The following PDE9A variants were observed in gnomAD, a reference collection of about 807,000 sequenced individuals.
PDE9A encodes high affinity cGMP-specific 3',5'-cyclic phosphodiesterase 9A.
A neutral mutation model predicts 87.4 loss-of-function variants in PDE9A; 60 were observed. That is an observed-to-expected ratio of 0.69 (90% CI 0.56 to 0.85). PDE9A has a LOEUF of 0.85. PDE9A is among the 40% of genes least tolerant of loss of function. PDE9A has a pLI of 0.00. For missense variants in PDE9A, 665 were observed against 779.0 expected (o/e 0.85, Z 1.74); for synonymous variants, 272 against 279.4 (o/e 0.97, Z 0.27).
rs2055563308 is a variant in PDE9A at position 42,760,287 on chromosome 21, G to C, written c.898-41G>C. 1 of 1,234,910 alleles carries C rather than the reference G, an allele frequency of 8.1e-7. No homozygotes were observed. The highest frequency in any genetic ancestry group is 1.7e-5 in the Admixed American group (1 of 58,978). 76.5% of individuals were successfully genotyped at this position (1,234,910 alleles called of 1,614,324 possible). A position where few individuals can be genotyped will look rare whatever the true frequency, so the allele number is the denominator to read the frequency against. On this transcript the variant is annotated intron_variant, in intron 11 of 19. Transcript: ENST00000291539. The surrounding 1 kb of genome is among the most constrained non-coding windows in gnomAD (Gnocchi z 5.2). ...GTGGCTTTGGGAGGAGAGGTGGGCG[G>C]GCCCAGGCACAGGGTGACTCGGACC...
intron 8 of PDE9A, 148 bp from the exon 9 acceptor site, chr21:42,750,968 T>C: frequency 1.5e-6 from 1 of 673,498 alleles, no homozygotes; most frequent in South Asian, 1.7e-5. Flanking sequence ...TTGCTTCGAG[T>C]GAGTTGCTGC....
chr21:42,714,737 T>C (rs546583776), intron 4 of PDE9A, among the ~76,000 whole-genome samples: 6 of 139,960 alleles, frequency 4.3e-5, no homozygotes, highest in East Asian at 2.4e-4. Flanking sequence ...GCTCTACCAG[T>C]CTTTGTTGAT....
At chr21:42,772,605 C>A (rs2057123127) in intron 19 of PDE9A, 85 bp downstream of exon 19, 3 of 965,080 alleles carry the variant, frequency 3.1e-6, no homozygotes, top group Non-Finnish European at 4.7e-6. Context: ...GGGAGAAAAT[C>A]TGAATTTTGG....
chr21:42,749,529 G>A (rs1188895819), intron 8 of PDE9A, among the ~76,000 whole-genome samples: 1 of 152,194 alleles, frequency 6.6e-6, no homozygotes, highest in Admixed American at 6.5e-5. Context: ...CCAACCGGAA[G>A]GTGGCTTTCC....
chr21:42,686,612 C>G (rs1489247067), intron 2 of PDE9A, among the ~76,000 whole-genome samples: 3 of 151,926 alleles, frequency 2.0e-5, no homozygotes, highest in Non-Finnish European at 4.4e-5. Context: ...GTCAGGAGTT[C>G]GAGACCAGCC....
intron 1 of PDE9A, among the ~76,000 whole-genome samples, chr21:42,673,200 G>C (rs982460492): frequency 2.0e-5 from 3 of 152,200 alleles, no homozygotes; most frequent in African/African-American, 7.2e-5. Context: ...GGTCAAGCTG[G>C]TAGGAGGAGG....
At chr21:42,719,422 G>A (rs890117295) in intron 4 of PDE9A, among the ~76,000 whole-genome samples, 4 of 151,592 alleles carry the variant, frequency 2.6e-5, no homozygotes, top group Non-Finnish European at 4.4e-5. Context: ...ATCAACTGAG[G>A]TCAGGAGTTT....
intron 1 of PDE9A, among the ~76,000 whole-genome samples, chr21:42,676,382 A>G (rs971766899): frequency 2.0e-5 from 3 of 152,192 alleles, no homozygotes; most frequent in Non-Finnish European, 2.9e-5. Context: ...GCTGCCTCTT[A>G]TAACCAACCA....
intron 15 of PDE9A, among the ~76,000 whole-genome samples, chr21:42,766,354 G>A (rs2056399389): frequency 1.3e-5 from 2 of 152,082 alleles, no homozygotes; most frequent in South Asian, 4.2e-4. Flanking sequence ...AGGTGCATGA[G>A]AACTGCCCTC....
At chr21:42,746,707 G>A (rs760730094) in intron 8 of PDE9A, among the ~76,000 whole-genome samples, 12 of 152,236 alleles carry the variant, frequency 7.9e-5, no homozygotes, top group Non-Finnish European at 1.2e-4. Context: ...GGATAACACC[G>A]ATTTCAGAGC....
chr21:42,717,555 A>T (rs914478076), intron 4 of PDE9A, among the ~76,000 whole-genome samples: 1 of 102,678 alleles, frequency 9.7e-6, no homozygotes, highest in African/African-American at 4.8e-5. Context: ...AAAAAAAAAA[A>T]ATTTTTTTGT....
At chr21:42,682,208 T>A (rs1291861208) in intron 1 of PDE9A, among the ~76,000 whole-genome samples, 1 of 152,244 alleles carries the variant, frequency 6.6e-6, no homozygotes, top group Non-Finnish European at 1.5e-5. Flanking sequence ...GGTAAGAAGG[T>A]ACGACCAGTT....
chr21:42,672,996 AAGG>A (rs1469562845), intron 1 of PDE9A, among the ~76,000 whole-genome samples: 2 of 152,170 alleles, frequency 1.3e-5, no homozygotes, highest in Admixed American at 6.6e-5. Flanking sequence ...TTGAAGGAAA[AAGG>A]AGGAGGAGGA....
intron 1 of PDE9A, among the ~76,000 whole-genome samples, chr21:42,677,964 A>C (rs1056373737): frequency 6.6e-6 from 1 of 152,242 alleles, no homozygotes; most frequent in Non-Finnish European, 1.5e-5. Flanking sequence ...TTTGTCCAGG[A>C]ATTGGAGCAT....
At position 42,759,859 on chromosome 21, in the gene PDE9A, GT is replaced by G. The variant is rs2055514565; in HGVS notation, c.898-468del. ...GTGTGAGTGTGTGGTGTGTGAGTGG[GT>G]GTGTGCATGTGGGTGTCTGCCTGTG... On this transcript the variant is annotated intron_variant, in intron 11 of 19. Transcript: ENST00000291539. The surrounding 1 kb of genome is among the most constrained non-coding windows in gnomAD (Gnocchi z 7.2). 6.6e-6 allele frequency among the ~76,000 whole-genome samples: 1 copy of G among 151,840 alleles called. No individual in the cohort carries two copies. The highest frequency in any genetic ancestry group is 2.4e-5 in the African/African-American group (1 of 41,286).
At chr21:42,765,660 G>A (rs1353926016) in intron 15 of PDE9A, 166 bp downstream of exon 15, 11 of 633,932 alleles carry the variant, frequency 1.7e-5, no homozygotes, top group South Asian at 3.5e-5. Context: ...AGGAAAGTCC[G>A]GGCAGGGCCT....
Position 42,760,485 on chromosome 21 carries a change from G to A in PDE9A, c.1002+53G>A. 2 of 1,109,542 alleles carry A rather than the reference G, an allele frequency of 1.8e-6. No homozygotes were observed. The highest frequency in any genetic ancestry group is 2.6e-6 in the Non-Finnish European group (2 of 761,542). 68.7% of individuals were successfully genotyped at this position (1,109,542 alleles called of 1,614,324 possible). ...CCTCTACTCTCGGGGGTCAGACGGA[G>A]GCCCCCTTCCAGGGAGCGGCAGCCC... is the stretch of plus-strand genomic sequence containing the variant. On this transcript the variant is annotated intron_variant, in intron 12 of 19. Transcript: ENST00000291539. The surrounding 1 kb of genome is among the most constrained non-coding windows in gnomAD (Gnocchi z 5.2).
At chr21:42,657,364 G>A (rs1026991078) in intron 1 of PDE9A, among the ~76,000 whole-genome samples, 4 of 152,236 alleles carry the variant, frequency 2.6e-5, no homozygotes, top group African/African-American at 9.6e-5. Context: ...CAGGTGGGCT[G>A]TTAAAGAAGG....
At chr21:42,681,558 G>C (rs993846891) in intron 1 of PDE9A, among the ~76,000 whole-genome samples, 2 of 152,206 alleles carry the variant, frequency 1.3e-5, no homozygotes, top group Non-Finnish European at 2.9e-5. Context: ...AGGGCTCCCA[G>C]ACAGTGATGT....
Sources: allele counts gnomAD v4.1 joint callset (sites outside exome capture counted in the v4.1 genomes callset), GRCh38; gene constraint gnomAD v4.1.1; non-coding constraint Gnocchi (gnomAD v3.1); transcripts MANE v1.5; gene names NCBI Gene and HGNC (gene_info 2026-07-23, HGNC 2026-07-21).